Variants in SOS1 observed in about 807,000 individuals in gnomAD.
SOS1 encodes son of sevenless homolog 1.
A neutral mutation model predicts 157.6 loss-of-function variants in SOS1; 25 were observed. The observed-to-expected ratio is 0.16, with a 90% confidence interval of 0.12 to 0.22. SOS1 has a LOEUF of 0.22. SOS1 is among the 10% of genes least tolerant of loss of function. SOS1 has a pLI of 1.00. For missense variants in SOS1, 1,237 were observed against 1,599.1 expected (o/e 0.77, Z 3.86); for synonymous variants, 528 against 534.0 (o/e 0.99, Z 0.16).
intron 20 of SOS1, among the ~76,000 whole-genome samples, chr2:38,990,816 AGTT>A (rs1217830258): frequency 6.6e-6 from 1 of 152,206 alleles, no homozygotes. Context: ...TTGGGGCACT[AGTT>A]GTCTTATTGC....
chr2:39,064,267 ATAGT>A (rs1329162814), intron 2 of SOS1, among the ~76,000 whole-genome samples: 1 of 152,218 alleles, frequency 6.6e-6, no homozygotes, highest in Non-Finnish European at 1.5e-5. Context: ...ATTACCTCAC[ATAGT>A]TATTTTTGTG....
chr2:39,119,784 G>A (rs1160426186), intron 1 of SOS1, among the ~76,000 whole-genome samples: 2 of 152,212 alleles, frequency 1.3e-5, no homozygotes, highest in African/African-American at 2.4e-5. Context: ...GAAATTGGTA[G>A]CATGTGCACC....
chr2:39,040,868 A>C (rs951796206), intron 6 of SOS1, among the ~76,000 whole-genome samples: 9 of 152,132 alleles, frequency 5.9e-5, no homozygotes, highest in African/African-American at 2.2e-4. Context: ...CTAGGAGTGA[A>C]ATTTCTGGAT....
intron 2 of SOS1, among the ~76,000 whole-genome samples, chr2:39,059,544 A>G (rs1174810256): frequency 3.3e-5 from 5 of 152,162 alleles, no homozygotes; most frequent in African/African-American, 1.2e-4. Flanking sequence ...CATAACTAAA[A>G]CCAGTAGAGG....
At chr2:39,074,831 C>T (rs1671911655) in intron 1 of SOS1, among the ~76,000 whole-genome samples, 1 of 149,294 alleles carries the variant, frequency 6.7e-6, no homozygotes, top group Non-Finnish European at 1.5e-5. Context: ...CGTGCCATTG[C>T]ACTCCAGCCT....
Position 39,096,812 on chromosome 2 carries a change from G to A in SOS1, c.87+23524C>T, listed in dbSNP as rs897736873. 5.3e-5 allele frequency among the ~76,000 whole-genome samples: 8 copies of A among 152,130 alleles called. No individual in the cohort carries two copies. In the East Asian group the frequency reaches 1.4e-3, roughly 26 times the overall value. On this transcript the variant is annotated intron_variant, in intron 1 of 22. Transcript: ENST00000402219. ...GAGACAGGAGAATGGTGTAAACCCA[G>A]GAGGTGGAGCTTGCAGTGAGCCGAG...
In SOS1 at chr2:39,078,776, G is replaced by A. The variant is rs141527786; in HGVS notation, c.88-11023C>T. ...AGTCCCTGGTGCCAAAAAGGTTGGG[G>A]ACTGGCCGGGCGCGGTGATTCATGC... is the stretch of plus-strand genomic sequence containing the variant. On this transcript the variant is annotated intron_variant, in intron 1 of 22. Transcript: ENST00000402219. Among the ~76,000 whole-genome samples, 1,220 of 151,780 alleles carry A rather than the reference G, an allele frequency of 8.0e-3. 7 individuals are homozygous for A. The highest frequency in any genetic ancestry group is 0.014 in the Middle Eastern group (4 of 294).
intron 1 of SOS1, among the ~76,000 whole-genome samples, chr2:39,078,030 T>C (rs1672075512): frequency 6.6e-6 from 1 of 152,128 alleles, no homozygotes; most frequent in African/African-American, 2.4e-5. Flanking sequence ...ACATATAACC[T>C]ATAAAGGAAA....
chr2:39,082,742 G>T (rs1672251696), intron 1 of SOS1: 1 of 152,128 alleles, frequency 6.6e-6, no homozygotes, highest in South Asian at 2.1e-4. Context: ...ACATGGATCT[G>T]GAATTCAACC....
At chr2:39,051,054 G>T in intron 6 of SOS1, 90 bp downstream of exon 6, 1 of 1,174,544 alleles carries the variant, frequency 8.5e-7, no homozygotes, top group South Asian at 1.2e-5. Context: ...TAGTATCTAT[G>T]ACTTTAGCTG....
In SOS1 at chr2:39,007,100, A is replaced by G. The variant is rs756520305; in HGVS notation, c.2604T>C (p.Phe868=). Residue 868 remains phenylalanine (F), a synonymous_variant, in exon 16 of 23, where the codon TTT becomes TTC. Transcript: ENST00000402219. ...CACTGACAACCTCAAGGACACCATT[A>G]AAGTTGTTCAACTCTTGAAAGACTT... ...ILQVFQELNN[F]NGVLEVVSAM... 7 of 1,605,612 alleles carry G rather than the reference A, an allele frequency of 4.4e-6. No individual in the cohort carries two copies. Among genetic ancestry groups the G allele is most frequent in the African/African-American group, 4.0e-5 (3 of 74,770 alleles).
In SOS1 at chr2:39,120,784, C is replaced by A. The variant is rs1336460301; in HGVS notation, c.-362G>T. On this transcript the variant is annotated 5_prime_UTR_variant, in exon 1 of 23. Transcript: ENST00000402219. The stretch of plus-strand genomic sequence containing the variant: ...CCGGGGCTGCACTCCCGGGCCCGGT[C>A]TGGCCCCGCGGCGGAGCTGGCGGCT... 6.7e-6 allele frequency among the ~76,000 whole-genome samples: 1 copy of A among 149,276 alleles called. No individual in the cohort carries two copies. The highest frequency in any genetic ancestry group is 2.4e-5 in the African/African-American group (1 of 40,978).
chr2:39,068,575 G>T (rs1009136651), intron 1 of SOS1, among the ~76,000 whole-genome samples: 2 of 152,140 alleles, frequency 1.3e-5, no homozygotes, highest in African/African-American at 4.8e-5. Flanking sequence ...AATTTAAATA[G>T]TATTTGTGAA....
At chr2:39,020,409 T>C (rs1467001939) in intron 10 of SOS1, among the ~76,000 whole-genome samples, 1 of 151,764 alleles carries the variant, frequency 6.6e-6, no homozygotes, top group African/African-American at 2.4e-5. Context: ...TTTTCTCATG[T>C]ATTATATCCA....
chr2:39,066,669 A>G (rs186760806), intron 2 of SOS1, among the ~76,000 whole-genome samples: 3 of 152,328 alleles, frequency 2.0e-5, no homozygotes, highest in Non-Finnish European at 4.4e-5. Flanking sequence ...TTAAATCATA[A>G]GCCCTAAAAA....
At chr2:39,032,623 A>AAT (rs1670201004) in intron 8 of SOS1, among the ~76,000 whole-genome samples, 1 of 152,180 alleles carries the variant, frequency 6.6e-6, no homozygotes, top group Non-Finnish European at 1.5e-5. Context: ...TAAGGCAGAC[A>AAT]ATAAAAATGG....
rs76083035 is a variant in SOS1 at position 39,115,367 on chromosome 2, T to C, written c.87+4969A>G. ...TTCATTGAGTATAATTATTTTGAGA[T>C]TCAGCCATGTTGTCATTTGTATCAA... On this transcript the variant is annotated intron_variant, in intron 1 of 22. Transcript: ENST00000402219. Among the ~76,000 whole-genome samples, 788 of 151,558 alleles carry C rather than the reference T, an allele frequency of 5.2e-3. 47 individuals are homozygous for C. The East Asian group carries it at 0.13, about 26-fold the overall frequency.
intron 1 of SOS1, 111 bp downstream of exon 1, chr2:39,120,225 G>T: frequency 1.0e-6 from 1 of 980,272 alleles, no homozygotes; most frequent in African/African-American, 1.7e-5. Flanking sequence ...TTGGAGACGC[G>T]GCGAGACCGG....
chr2:39,086,190 A>G (rs1672361597), intron 1 of SOS1, among the ~76,000 whole-genome samples: 1 of 152,230 alleles, frequency 6.6e-6, no homozygotes, highest in Non-Finnish European at 1.5e-5. Flanking sequence ...GGAAAAGATT[A>G]AAGTTGAAAG....
Sources: gnomAD v4.1 joint callset for allele counts (sites outside exome capture counted in the v4.1 genomes callset) on GRCh38, gnomAD v4.1.1 for gene constraint, MANE v1.5 for transcripts, NCBI Gene and HGNC (gene_info 2026-07-23, HGNC 2026-07-21) for gene names.